TBC1D31: variants seen among roughly 807,000 people sequenced by gnomAD.
TBC1D31 encodes TBC1 domain family member 31.
A neutral mutation model predicts 132.9 loss-of-function variants in TBC1D31; 99 were observed. The observed-to-expected ratio is 0.74, with a 90% CI of 0.63 to 0.88. TBC1D31 has a LOEUF of 0.88. TBC1D31 is among the 40% of genes least tolerant of loss of function. The probability of loss-of-function intolerance (pLI) is 0.00; values close to 1 mark genes in which losing one functional copy is unlikely to be tolerated. For missense variants in TBC1D31, 1,134 were observed against 1,256.6 expected (o/e 0.90, Z 1.48); for synonymous variants, 385 against 419.4 (o/e 0.92, Z 1.00).
chr8:123,109,853 G>A (rs1405875357), intron 10 of TBC1D31, among the ~76,000 whole-genome samples: 1 of 152,138 alleles, frequency 6.6e-6, no homozygotes, highest in Non-Finnish European at 1.5e-5. Flanking sequence ...CAGCACTTTG[G>A]GAGGCCAAGG....
chr8:123,121,324 G>A (rs569014951), intron 11 of TBC1D31, among the ~76,000 whole-genome samples: 5 of 152,270 alleles, frequency 3.3e-5, no homozygotes, highest in Admixed American at 2.0e-4. Flanking sequence ...TTCCCTTTGC[G>A]TAGATTTCCA....
At chr8:123,130,077 T>G in intron 15 of TBC1D31, 121 bp from the exon 16 acceptor site, 2 of 1,034,006 alleles carry the variant, frequency 1.9e-6, no homozygotes, top group Admixed American at 3.1e-5. Flanking sequence ...TCTCGCATTC[T>G]TCTTTCAAAT....
the TBC1D31 span, among the ~76,000 whole-genome samples, chr8:123,157,314 G>A: frequency 0.75 from 113,997 of 151,976 alleles, 42,882 homozygotes; most frequent in African/African-American, 0.78. Flanking sequence ...CCTAGTAAGG[G>A]TTTCCGGACG....
At chr8:123,130,136 A>C in intron 15 of TBC1D31, 62 bp from the exon 16 acceptor site, 1 of 1,536,086 alleles carries the variant, frequency 6.5e-7, no homozygotes, top group South Asian at 1.3e-5. Context: ...ACCTGTTATG[A>C]AAAAACTAAA....
intron 20 of TBC1D31, among the ~76,000 whole-genome samples, chr8:123,148,276 T>G (rs1323959464): frequency 2.6e-5 from 4 of 152,218 alleles, no homozygotes. Flanking sequence ...ATTTTTGTTT[T>G]AAAGTTTCAC....
At chr8:123,114,734 C>A (rs1002983944) in intron 10 of TBC1D31, among the ~76,000 whole-genome samples, 2 of 152,134 alleles carry the variant, frequency 1.3e-5, no homozygotes, top group African/African-American at 2.4e-5. Context: ...AAGAAAAAAT[C>A]AGCACCTCTT....
chr8:123,151,925 C>T lies in TBC1D31; in HGVS notation c.3187C>T (p.Leu1063Phe). 1 of 1,546,598 alleles carries T rather than the reference C, an allele frequency of 6.5e-7. No homozygotes were observed. Among genetic ancestry groups the T allele is most frequent in the African/African-American group, 1.4e-5 (1 of 71,860 alleles). ...RARHRCQTPH[L>F]LAA ...TCGTCACAGATGTCAAACCCCTCAT[C>T]TTTTGGCTGCATAGAATGCATGTCA... Residue 1063 changes from leucine to phenylalanine, a missense_variant, in exon 22 of 22, where the codon CTT (leucine) becomes TTT (phenylalanine). Physicochemically the swap from Leu to Phe is conservative, Grantham distance 22. Transcript: ENST00000287380.
At chr8:123,090,668 C>G (rs1350718249) in intron 4 of TBC1D31, among the ~76,000 whole-genome samples, 1 of 152,178 alleles carries the variant, frequency 6.6e-6, no homozygotes, top group Admixed American at 6.5e-5. Context: ...CACTGTGGCT[C>G]ACACCTGTAA....
intron 10 of TBC1D31, among the ~76,000 whole-genome samples, chr8:123,116,562 A>G (rs1191194598): frequency 1.3e-5 from 2 of 152,242 alleles, no homozygotes; most frequent in Admixed American, 6.5e-5. Flanking sequence ...ATAGATATGC[A>G]TGTATGCAGG....
At position 123,130,344 on chromosome 8, in the gene TBC1D31, C is replaced by T. The variant is rs765508175; in HGVS notation, c.2406+11C>T. The T allele has an allele frequency of 4.2e-5, 68 of 1,604,660 alleles. No homozygotes were observed. On this transcript the variant is annotated intron_variant, in intron 16 of 21. Transcript: ENST00000287380. ...GAAATTGGGAGAAAGGTTTATTATTCTTAACTTAGTTCTCATACATCATCT... is the reference window on the plus strand; with the variant it reads ...GAAATTGGGAGAAAGGTTTATTATTTTTAACTTAGTTCTCATACATCATCT...
intron 4 of TBC1D31, among the ~76,000 whole-genome samples, chr8:123,089,223 A>C (rs912210673): frequency 3.3e-5 from 5 of 152,200 alleles, no homozygotes; most frequent in Non-Finnish European, 7.3e-5. Flanking sequence ...CAAAAAATCC[A>C]AAACATTTCT....
intron 4 of TBC1D31, among the ~76,000 whole-genome samples, chr8:123,089,833 G>A (rs1816158056): frequency 6.6e-6 from 1 of 152,264 alleles, no homozygotes; most frequent in African/African-American, 2.4e-5. Flanking sequence ...TCATTTGGCA[G>A]CAAAATCTGA....
At chr8:123,094,332 G>A (rs975409587) in intron 5 of TBC1D31, among the ~76,000 whole-genome samples, 5 of 152,120 alleles carry the variant, frequency 3.3e-5, no homozygotes, top group African/African-American at 7.2e-5. Context: ...AGAGTGCTGG[G>A]ATTACAGGCA....
chr8:123,157,972 G>T, the TBC1D31 span, among the ~76,000 whole-genome samples: 1 of 151,392 alleles, frequency 6.6e-6, no homozygotes, highest in Non-Finnish European at 1.5e-5. Context: ...CCATTCCTGT[G>T]GCCAGTGCCC....
chr8:123,079,316 A>G (rs1486988170), intron 2 of TBC1D31, among the ~76,000 whole-genome samples: 1 of 152,190 alleles, frequency 6.6e-6, no homozygotes, highest in African/African-American at 2.4e-5. Flanking sequence ...GCTGATGGTT[A>G]TATTGTGATT....
At chr8:123,132,308 A>G (rs1820701933) in intron 16 of TBC1D31, among the ~76,000 whole-genome samples, 1 of 150,582 alleles carries the variant, frequency 6.6e-6, no homozygotes, top group South Asian at 2.1e-4. Flanking sequence ...ACCTCTCCCA[A>G]TCCTATTGGA....
chr8:123,116,109 A>G (rs1203777250), intron 10 of TBC1D31, among the ~76,000 whole-genome samples: 1 of 152,226 alleles, frequency 6.6e-6, no homozygotes, highest in South Asian at 2.1e-4. Flanking sequence ...ATATAAATAG[A>G]TATGCAGAGT....
At chr8:123,097,471 T>G (rs768759210) in intron 6 of TBC1D31, 30 bp downstream of exon 6, 1 of 1,601,420 alleles carries the variant, frequency 6.2e-7, no homozygotes, top group South Asian at 1.1e-5. Flanking sequence ...GGCACTGTAC[T>G]TTTTGAGAAA....
chr8:123,125,264 C>T (rs751952970), intron 11 of TBC1D31, among the ~76,000 whole-genome samples: 9 of 152,104 alleles, frequency 5.9e-5, no homozygotes, highest in African/African-American at 1.9e-4. Context: ...GTCTTATATA[C>T]GGCTTTGAGA....
Sources: gnomAD v4.1 joint callset for allele counts (sites outside exome capture counted in the v4.1 genomes callset) on GRCh38, gnomAD v4.1.1 for gene constraint, MANE v1.5 for transcripts, NCBI Gene and HGNC (gene_info 2026-07-23, HGNC 2026-07-21) for gene names.